The following PPM1H variants were observed in gnomAD, a reference collection of about 807,000 sequenced individuals.
PPM1H encodes protein phosphatase, Mg2+/Mn2+ dependent 1H.
Under a neutral mutation model 54.9 loss-of-function variants are expected in PPM1H, and 27 were observed. The observed-to-expected ratio is 0.49, with a 90% CI of 0.36 to 0.68. The LOEUF (loss-of-function observed/expected upper bound fraction) is 0.68, where lower values mean the gene tolerates loss of function less well. Ranked by LOEUF, PPM1H falls within the 30% of genes least tolerant of loss-of-function variation. The pLI is 0.00. For synonymous variants in PPM1H, 305 were observed against 270.8 expected (o/e 1.13, Z -1.24); for missense variants, 596 against 667.8 (o/e 0.89, Z 1.19).
intron 4 of PPM1H, among the ~76,000 whole-genome samples, chr12:62,760,757 T>C (rs1038123496): frequency 6.6e-6 from 1 of 152,240 alleles, no homozygotes; most frequent in Non-Finnish European, 1.5e-5. Flanking sequence ...AATGTCATCC[T>C]AATAGTTAGG....
intron 5 of PPM1H, among the ~76,000 whole-genome samples, chr12:62,721,448 CAGG>C (rs1379186984): frequency 3.3e-5 from 5 of 152,154 alleles, no homozygotes; most frequent in African/African-American, 1.2e-4. Context: ...TGAGGGTGAG[CAGG>C]AGAACTGTGC....
intron 1 of PPM1H, among the ~76,000 whole-genome samples, chr12:62,835,173 C>G (rs1868465615): frequency 6.6e-6 from 1 of 152,208 alleles, no homozygotes; most frequent in Non-Finnish European, 1.5e-5. Context: ...ACTGCCGTTT[C>G]CAACAGACAA....
intron 6 of PPM1H, among the ~76,000 whole-genome samples, chr12:62,706,972 T>A (rs949480901): frequency 3.9e-5 from 6 of 152,176 alleles, no homozygotes; most frequent in Non-Finnish European, 5.9e-5. Context: ...CACTATAGAA[T>A]TAGATTTAAC....
chr12:62,806,025 G>A (rs1394134760), intron 2 of PPM1H, among the ~76,000 whole-genome samples: 2 of 152,184 alleles, frequency 1.3e-5, no homozygotes, highest in African/African-American at 4.8e-5. Flanking sequence ...TTGAAAAAAT[G>A]TAACTAGAGG....
intron 5 of PPM1H, among the ~76,000 whole-genome samples, chr12:62,730,203 A>G (rs917257544): frequency 1.3e-5 from 2 of 152,148 alleles, no homozygotes; most frequent in Non-Finnish European, 2.9e-5. Context: ...TGAAATAAAC[A>G]GCTTTATTGC....
intron 8 of PPM1H, among the ~76,000 whole-genome samples, chr12:62,684,790 T>A (rs1232378302): frequency 6.6e-6 from 1 of 151,986 alleles, no homozygotes; most frequent in Non-Finnish European, 1.5e-5. Context: ...AGGAAGTGGG[T>A]CAGTTATTCT....
At chr12:62,850,444 A>G (rs375529295) in intron 1 of PPM1H, among the ~76,000 whole-genome samples, 6 of 151,992 alleles carry the variant, frequency 3.9e-5, no homozygotes, top group Non-Finnish European at 2.9e-5. Context: ...ATAATTAAAA[A>G]CTTAACTGCA....
At chr12:62,668,551 T>A (rs1487524999) in intron 8 of PPM1H, among the ~76,000 whole-genome samples, 1 of 152,130 alleles carries the variant, frequency 6.6e-6, no homozygotes, top group Non-Finnish European at 1.5e-5. Flanking sequence ...AATTTTTGTA[T>A]CTTTAGTAGA....
intron 4 of PPM1H, among the ~76,000 whole-genome samples, chr12:62,748,115 C>T (rs1021802864): frequency 6.6e-6 from 1 of 152,162 alleles, no homozygotes; most frequent in African/African-American, 2.4e-5. Context: ...CAGTAGCTCA[C>T]GCCTGTAATC....
chr12:62,694,036 A>G (rs756626692), intron 6 of PPM1H, 37 bp from the exon 7 acceptor site: 11 of 1,573,142 alleles, frequency 7.0e-6, no homozygotes, highest in Admixed American at 1.8e-5. Context: ...AAAGGTTTGC[A>G]CTCAATTAGT....
intron 1 of PPM1H, among the ~76,000 whole-genome samples, chr12:62,861,952 A>C (rs1481251208): frequency 1.3e-5 from 2 of 152,252 alleles, no homozygotes; most frequent in African/African-American, 4.8e-5. Flanking sequence ...TGGGCCAAAC[A>C]AAATAATGCT....
At chr12:62,775,741 T>C (rs1008146766) in intron 4 of PPM1H, among the ~76,000 whole-genome samples, 11 of 152,232 alleles carry the variant, frequency 7.2e-5, no homozygotes, top group African/African-American at 2.7e-4. Flanking sequence ...CCACTGAGCA[T>C]GCCTGGGCCC....
intron 1 of PPM1H, among the ~76,000 whole-genome samples, chr12:62,921,246 A>G (rs1388692943): frequency 6.6e-6 from 1 of 152,092 alleles, no homozygotes; most frequent in East Asian, 1.9e-4. Context: ...CATTTTAAAA[A>G]AAATCAATTT....
intron 1 of PPM1H, among the ~76,000 whole-genome samples, chr12:62,849,749 T>C (rs1473948920): frequency 6.6e-6 from 1 of 152,174 alleles, no homozygotes; most frequent in Non-Finnish European, 1.5e-5. Context: ...ATGCACTAAG[T>C]CTGAGATGGA....
intron 6 of PPM1H, among the ~76,000 whole-genome samples, chr12:62,717,434 T>C (rs947056410): frequency 1.5e-4 from 22 of 150,934 alleles, no homozygotes; most frequent in Admixed American, 1.3e-4. Context: ...GTTTATCTGC[T>C]TAGGACCATG....
chr12:62,885,449 A>T (rs182163519), intron 1 of PPM1H, among the ~76,000 whole-genome samples: 93 of 152,072 alleles, frequency 6.1e-4, no homozygotes, highest in Non-Finnish European at 1.1e-3. Flanking sequence ...CCTGGGATAA[A>T]CTCCCTTTTG....
At chr12:62,819,395 G>A (rs1157709631) in intron 2 of PPM1H, among the ~76,000 whole-genome samples, 1 of 152,148 alleles carries the variant, frequency 6.6e-6, no homozygotes, top group Non-Finnish European at 1.5e-5. Flanking sequence ...CCAAAGTGCT[G>A]GGATTACAGG....
chr12:62,744,833 T>A (rs1218980864), intron 4 of PPM1H, among the ~76,000 whole-genome samples: 1 of 152,198 alleles, frequency 6.6e-6, no homozygotes, highest in Non-Finnish European at 1.5e-5. Context: ...ACTTCTCTGC[T>A]CTGACTCAGT....
chr12:62,755,245 G>C (rs2076465424), intron 4 of PPM1H: 3 of 723,024 alleles, frequency 4.1e-6, no homozygotes, highest in Non-Finnish European at 7.6e-6. Flanking sequence ...GAAGATCAAA[G>C]TCAATGGATT....
Sources: gnomAD v4.1 joint callset for allele counts (sites outside exome capture counted in the v4.1 genomes callset) on GRCh38, gnomAD v4.1.1 for gene constraint, MANE v1.5 for transcripts, NCBI Gene and HGNC (gene_info 2026-07-23, HGNC 2026-07-21) for gene names.